Variants in CEP43 observed in about 807,000 individuals in gnomAD.
CEP43 encodes FGFR1 oncogene partner.
In CEP43, 36 loss-of-function variants were observed where a neutral mutation model predicts 52.6. That is an observed-to-expected ratio of 0.68 (90% confidence interval 0.52 to 0.90). CEP43 has a LOEUF of 0.90. Ranked by LOEUF, CEP43 falls within the 40% of genes least tolerant of loss-of-function variation. The pLI, the probability that CEP43 is intolerant of heterozygous loss-of-function variation, is 0.00. For synonymous variants in CEP43, 192 were observed against 172.4 expected, an observed-to-expected ratio of 1.11 and a Z score of -0.89; for missense variants, 506 against 472.8, an observed-to-expected ratio of 1.07 and a Z score of -0.65.
chr6:167,006,607 A>G (rs758329523), intron 5 of CEP43, among the ~76,000 whole-genome samples: 1 of 152,256 alleles, frequency 6.6e-6, no homozygotes, highest in Admixed American at 6.5e-5. Flanking sequence ...TGTATTAGAT[A>G]TAAGTTAGAC....
intron 2 of CEP43, 35 bp downstream of exon 2, chr6:167,000,148 C>G (rs769810515): frequency 3.5e-6 from 5 of 1,437,752 alleles, no homozygotes; most frequent in Non-Finnish European, 4.8e-6. Context: ...TGGCTGTATT[C>G]GTTAATACTT....
At position 167,026,599 on chromosome 6, in the gene CEP43, T is replaced by G; in HGVS notation, c.972T>G (p.Ile324Met). 1 of 1,584,836 alleles carries G rather than the reference T, an allele frequency of 6.3e-7. No individual in the cohort carries two copies. The highest frequency in any genetic ancestry group is 8.7e-7 in the Non-Finnish European group (1 of 1,153,350). Residue 324 changes from isoleucine to methionine, a missense_variant, in exon 10 of 13, where the codon ATT becomes ATG. Coordinates refer to ENST00000366847, the MANE Select transcript of CEP43 (RefSeq NM_007045.4). ...ATCTGAAATTGATCAGTGATAAAAT[T>G]GGATCACTTGGATTAGGTAATTAGA... The part of the protein sequence containing the change: ...LKDLKLISDK[I>M]GSLGLGTGED...
intron 5 of CEP43, among the ~76,000 whole-genome samples, chr6:167,006,664 A>G (rs1177965303): frequency 4.6e-5 from 7 of 152,246 alleles, no homozygotes; most frequent in African/African-American, 1.2e-4. Flanking sequence ...ATTTCACATA[A>G]GAGACTTGAG....
At chr6:167,016,355 T>C (rs1391687970) in intron 7 of CEP43, among the ~76,000 whole-genome samples, 2 of 152,112 alleles carry the variant, frequency 1.3e-5, no homozygotes, top group East Asian at 3.9e-4. Flanking sequence ...CCTCCTGGGG[T>C]CAAGTGCCCA....
In CEP43 at chr6:167,022,379, G is replaced by A. The variant is rs746849757; in HGVS notation, c.580-30G>A. 2.7e-6 allele frequency: 4 copies of A among 1,457,248 alleles called. No homozygotes were observed. The East Asian group carries it at 9.1e-5, about 33-fold the overall frequency. The allele number at this position is 1,457,248 out of a possible 1,614,324, so 90.3% of individuals were successfully genotyped here. A position where few individuals can be genotyped will look rare whatever the true frequency, so the allele number is the denominator to read the frequency against. On this transcript the variant is annotated intron_variant, in intron 7 of 12. Coordinates refer to ENST00000366847, the MANE Select transcript of CEP43 (RefSeq NM_007045.4). ...TATCTTAAAGTTTTATCTCACCAAG[G>A]AGGCCTTTTCTCTTTCCCTCTCTTT...
At chr6:167,000,279 G>T (rs954602146) in intron 2 of CEP43, among the ~76,000 whole-genome samples, 166 bp downstream of exon 2, 1 of 152,098 alleles carries the variant, frequency 6.6e-6, no homozygotes, top group Non-Finnish European at 1.5e-5. Flanking sequence ...TTCTTTTTTC[G>T]TGTAGCTTTT....
chr6:167,041,137 G>C lies in CEP43; in HGVS notation c.*1159G>C. 1 of 1,043,224 alleles carries C rather than the reference G, an allele frequency of 9.6e-7. No homozygotes were observed. The highest frequency in any genetic ancestry group is 1.2e-6 in the Non-Finnish European group (1 of 865,534). The allele number at this position is 1,043,224 out of a possible 1,614,324, so 64.6% of individuals were successfully genotyped here. On this transcript the variant is annotated 3_prime_UTR_variant, in exon 13 of 13. Coordinates refer to ENST00000366847, the MANE Select transcript of CEP43 (RefSeq NM_007045.4). Reference sequence around the variant, plus strand: ...TTTTTACTACAAGTTAACTTTATTAGTAAAAGGAGCAAATTAGACCTAATT... The same window carrying C: ...TTTTTACTACAAGTTAACTTTATTACTAAAAGGAGCAAATTAGACCTAATT...
intron 1 of CEP43, 142 bp from the exon 2 acceptor site, chr6:166,999,918 G>T (rs1394135644): frequency 3.1e-6 from 2 of 639,742 alleles, no homozygotes; most frequent in Non-Finnish European, 5.5e-6. Context: ...GTGTGACTGA[G>T]AACGTTTCGG....
In CEP43 at chr6:167,022,631, G is replaced by C; in HGVS notation, c.802G>C (p.Gly268Arg). ...CATTCCTAAGCCAGAGAAAACTTAC[G>C]GTTTGTGAGTAAATGGTTTTTGAGC... Reference protein sequence around the residue: ...DPIPKPEKTYGLRKEPRKQAG... With the variant: ...DPIPKPEKTYRLRKEPRKQAG... Residue 268 changes from glycine to arginine, a missense_variant, in exon 8 of 13, where the codon GGT (glycine) becomes CGT (arginine). By Grantham distance (125) the Gly-to-Arg change is moderately radical (BLOSUM62 -2). Coordinates refer to ENST00000366847, the MANE Select transcript of CEP43 (RefSeq NM_007045.4). 6.2e-7 allele frequency: 1 copy of C among 1,606,748 alleles called. No homozygotes were observed. Among genetic ancestry groups the C allele is most frequent in the Non-Finnish European group, 8.5e-7 (1 of 1,173,706 alleles).
Position 167,014,430 on chromosome 6 carries a change from C to T in CEP43, c.579+863C>T, listed in dbSNP as rs118137167. ...AAAATTGACTAATCCAGTAGATTAG[C>T]TGCTTATGAAATTTAAATATTAGAA... On this transcript the variant is annotated intron_variant, in intron 7 of 12. Transcript: ENST00000366847. Among the ~76,000 whole-genome samples the T allele has an allele frequency of 4.5e-3, 683 of 152,238 alleles. 23 individuals are homozygous for T. In the East Asian group the frequency reaches 0.081, roughly 18 times the overall value.
rs1288234818 is a variant in CEP43 at position 167,039,848 on chromosome 6, C to T, written c.1126-56C>T. The T allele has an allele frequency of 1.0e-5, 16 of 1,590,404 alleles. No individual in the cohort carries two copies. In the East Asian group the frequency reaches 2.7e-4, roughly 27 times the overall value. On this transcript the variant is annotated intron_variant, in intron 12 of 12. Coordinates refer to ENST00000366847, the MANE Select transcript of CEP43 (RefSeq NM_007045.4). The stretch of plus-strand genomic sequence containing the variant: ...TTGTGGCTTTGATTTTTTAAAATAA[C>T]TTAAGACTACTCACATTCTGACACT...
Position 167,014,159 on chromosome 6 carries a change from T to C in CEP43, c.579+592T>C, listed in dbSNP as rs532232150. 2.6e-5 allele frequency among the ~76,000 whole-genome samples: 4 copies of C among 152,358 alleles called. No homozygotes were observed. The East Asian group carries it at 7.7e-4, about 29-fold the overall frequency. On this transcript the variant is annotated intron_variant, in intron 7 of 12. Transcript: ENST00000366847. The stretch of plus-strand genomic sequence containing the variant: ...TTTTGAATGGATGATTATATACATA[T>C]TAGTAACATTGTGATTTTTATTTGA...
intron 9 of CEP43, 123 bp downstream of exon 9, chr6:167,025,017 CAG>C (rs1181368580): frequency 6.3e-6 from 4 of 631,496 alleles, no homozygotes; most frequent in East Asian, 2.7e-5. Flanking sequence ...TTTTATCACT[CAG>C]AGATATTTCC....
At chr6:167,019,987 G>A (rs1780188844) in intron 7 of CEP43, among the ~76,000 whole-genome samples, 3 of 152,210 alleles carry the variant, frequency 2.0e-5, no homozygotes, top group Admixed American at 2.0e-4. Context: ...CACAGGCTGT[G>A]TCATTGTACA....
At chr6:167,000,235 G>A (rs776733379) in intron 2 of CEP43, 122 bp downstream of exon 2, 3 of 725,848 alleles carry the variant, frequency 4.1e-6, no homozygotes, top group African/African-American at 3.6e-5. Context: ...GAACTGTTAA[G>A]GATTACATTA....
chr6:167,002,470 CTCTTGAGAAAATA>C (rs1279744576), intron 2 of CEP43, among the ~76,000 whole-genome samples: 1 of 152,148 alleles, frequency 6.6e-6, no homozygotes, highest in Non-Finnish European at 1.5e-5. Context: ...TCTGTGATTT[CTCTTGAGAAAATA>C]TGTAGAGGTG....
chr6:167,046,209 TTTTA>T lies in CEP43; in HGVS notation c.*6235_*6238del, dbSNP rs1371670418. ...GAGCGTGAATTACATTCTCCAATAT[TTTTA>T]TTTGTCATGATTTATTGCAGGGTTC... On this transcript the variant is annotated 3_prime_UTR_variant, in exon 13 of 13. Coordinates refer to ENST00000366847, the MANE Select transcript of CEP43 (RefSeq NM_007045.4). 2 of 152,326 alleles carry T rather than the reference TTTTA, an allele frequency of 1.3e-5. No homozygotes were observed. The highest frequency in any genetic ancestry group is 1.9e-4 in the East Asian group (1 of 5,182). 9.4% of individuals were successfully genotyped at this position (152,326 alleles called of 1,614,324 possible). A position where few individuals can be genotyped will look rare whatever the true frequency, so the allele number is the denominator to read the frequency against.
intron 12 of CEP43, chr6:167,036,497 A>G (rs1780588021): frequency 1.0e-6 from 1 of 985,362 alleles, no homozygotes; most frequent in Non-Finnish European, 1.2e-6. Flanking sequence ...GAAGAGGGCC[A>G]CACGTTCCTA....
chr6:167,023,195 G>A (rs1197758317), intron 8 of CEP43, among the ~76,000 whole-genome samples: 1 of 152,092 alleles, frequency 6.6e-6, no homozygotes, highest in Non-Finnish European at 1.5e-5. Context: ...GATGGGGATC[G>A]GATGAGGTGG....
Sources: gnomAD v4.1 joint callset for allele counts (sites outside exome capture counted in the v4.1 genomes callset) on GRCh38, gnomAD v4.1.1 for gene constraint, MANE v1.5 for transcripts, NCBI Gene and HGNC (gene_info 2026-07-23, HGNC 2026-07-21) for gene names.